NBEA: variants seen among roughly 807,000 people sequenced by gnomAD.
NBEA encodes the protein neurobeachin, also known as lysosomal-trafficking regulator 2.
Under a neutral mutation model 343.4 loss-of-function variants are expected in NBEA, and 44 were observed. That is an observed-to-expected ratio of 0.13 (90% CI 0.10 to 0.16). The LOEUF (loss-of-function observed/expected upper bound fraction) is 0.16. Ranked by LOEUF, NBEA falls within the 10% of genes least tolerant of loss-of-function variation. The probability of loss-of-function intolerance (pLI) is 1.00; values close to 1 mark genes in which losing one functional copy is unlikely to be tolerated. For synonymous variants in NBEA, 1,175 were observed against 1,238.7 expected (o/e 0.95, Z 1.08); for missense variants, 2,555 against 3,631.3 (o/e 0.70, Z 7.62).
At chr13:35,018,685 A>G (rs2061734729) in intron 1 of NBEA, among the ~76,000 whole-genome samples, 1 of 152,046 alleles carries the variant, frequency 6.6e-6, no homozygotes, top group Non-Finnish European at 1.5e-5. Flanking sequence ...GTTTGTGAAC[A>G]GAGATAGTTT....
At chr13:35,257,425 C>T (rs1046026739) in intron 34 of NBEA, among the ~76,000 whole-genome samples, 1 of 152,034 alleles carries the variant, frequency 6.6e-6, no homozygotes, top group African/African-American at 2.4e-5. Context: ...AAAATAGTCA[C>T]CTAACTTTGA....
Position 35,665,899 on chromosome 13 carries a change from A to G in NBEA, c.8464+713A>G, listed in dbSNP as rs778617876. Among the ~76,000 whole-genome samples the G allele has an allele frequency of 2.6e-5, 4 of 152,320 alleles. No homozygotes were observed. In the South Asian group the frequency reaches 8.3e-4, roughly 32 times the overall value. ...CACCTCAGCCTCCCAAATTGCTGGG[A>G]TTACAGGCGTGAGCCACCACACCCA... On this transcript the variant is annotated intron_variant, in intron 56 of 58. Coordinates refer to ENST00000379939, the MANE Select transcript of NBEA (RefSeq NM_001385012.1).
chr13:35,228,434 A>G (rs1473899716), intron 33 of NBEA, among the ~76,000 whole-genome samples: 2 of 150,960 alleles, frequency 1.3e-5, no homozygotes, highest in Non-Finnish European at 2.9e-5. Flanking sequence ...TTTTGTGGAT[A>G]TATTGCGTAG....
At chr13:35,611,401 G>A (rs529942139) in intron 48 of NBEA, among the ~76,000 whole-genome samples, 1 of 152,248 alleles carries the variant, frequency 6.6e-6, no homozygotes, top group Admixed American at 6.5e-5. Flanking sequence ...TCACTTTCTT[G>A]CTGTCACTTG....
chr13:35,280,691 T>C (rs1253651104), intron 34 of NBEA, among the ~76,000 whole-genome samples: 1 of 152,132 alleles, frequency 6.6e-6, no homozygotes, highest in Non-Finnish European at 1.5e-5. Flanking sequence ...TGTCCTGGCC[T>C]ATGGTAAGTA....
intron 41 of NBEA, among the ~76,000 whole-genome samples, chr13:35,489,335 T>C (rs1436247129): frequency 6.6e-6 from 1 of 151,890 alleles, no homozygotes; most frequent in Non-Finnish European, 1.5e-5. Context: ...GGTCGTTTTA[T>C]GAACTCTTTC....
intron 34 of NBEA, among the ~76,000 whole-genome samples, chr13:35,244,092 C>G (rs2030792863): frequency 6.6e-6 from 1 of 151,680 alleles, no homozygotes; most frequent in South Asian, 2.1e-4. Context: ...AGTATCTTTT[C>G]TAATCACAGT....
At position 35,551,140 on chromosome 13, in the gene NBEA, A is replaced by G. The variant is rs775476913; in HGVS notation, c.6806+108A>G. 95 of 598,374 alleles carry G rather than the reference A, an allele frequency of 1.6e-4. 1 individual carries two copies. The highest frequency in any genetic ancestry group is 8.0e-5 in the Non-Finnish European group (30 of 372,734). 37.1% of individuals were successfully genotyped at this position (598,374 alleles called of 1,614,324 possible). On this transcript the variant is annotated intron_variant, in intron 43 of 58. Coordinates refer to ENST00000379939, the MANE Select transcript of NBEA (RefSeq NM_001385012.1). ...ACATTATAATTATTTCAGAGACCAA[A>G]GAATTTTCTTTCTCTGAAGGTTATT...
intron 10 of NBEA, among the ~76,000 whole-genome samples, chr13:35,089,884 G>T (rs1475010383): frequency 1.5e-5 from 2 of 135,086 alleles, no homozygotes; most frequent in African/African-American, 5.5e-5. Flanking sequence ...CACAGGAAGG[G>T]GAATATCACA....
chr13:35,370,341 T>C (rs763194110), intron 38 of NBEA, among the ~76,000 whole-genome samples: 1 of 152,054 alleles, frequency 6.6e-6, no homozygotes, highest in African/African-American at 2.4e-5. Context: ...TTATCTGATA[T>C]AAGTATGGCT....
intron 18 of NBEA, among the ~76,000 whole-genome samples, chr13:35,150,810 A>AGAGTAGAGTAGAGTG (rs2068731640): frequency 6.6e-6 from 1 of 151,920 alleles, no homozygotes; most frequent in Admixed American, 6.6e-5. Flanking sequence ...AGAGTAGAGT[A>AGAGTAGAGTAGAGTG]GAGTAGAGTA....
At chr13:34,970,756 C>T (rs2152498807) in intron 1 of NBEA, among the ~76,000 whole-genome samples, 1 of 152,194 alleles carries the variant, frequency 6.6e-6, no homozygotes, top group African/African-American at 2.4e-5. Flanking sequence ...GTGCCAACAC[C>T]ATGCTGTTTT....
chr13:35,018,516 T>A (rs926178402), intron 1 of NBEA, among the ~76,000 whole-genome samples: 1 of 152,160 alleles, frequency 6.6e-6, no homozygotes, highest in African/African-American at 2.4e-5. Flanking sequence ...GATATTCTTT[T>A]TAGTTTTAAT....
chr13:35,583,318 A>G (rs28605022), intron 45 of NBEA, among the ~76,000 whole-genome samples: 1 of 152,214 alleles, frequency 6.6e-6, no homozygotes, highest in Admixed American at 6.5e-5. Flanking sequence ...ATGCTTTCCA[A>G]GGAATCCGAA....
intron 39 of NBEA, among the ~76,000 whole-genome samples, chr13:35,444,220 T>G (rs937439882): frequency 2.0e-5 from 3 of 151,964 alleles, no homozygotes; most frequent in African/African-American, 7.2e-5. Flanking sequence ...TACATATTAT[T>G]GCACAAGATT....
chr13:35,327,171 G>T (rs1286664592), intron 36 of NBEA, among the ~76,000 whole-genome samples: 1 of 152,078 alleles, frequency 6.6e-6, no homozygotes, highest in African/African-American at 2.4e-5. Flanking sequence ...CTTATACACT[G>T]TTGATGGAAA....
At chr13:35,442,681 T>G (rs947321038) in intron 39 of NBEA, among the ~76,000 whole-genome samples, 2 of 152,198 alleles carry the variant, frequency 1.3e-5, no homozygotes, top group African/African-American at 2.4e-5. Flanking sequence ...TTTGTTGGTC[T>G]GCTCTAAAAA....
At chr13:35,535,158 G>A (rs569293119) in intron 41 of NBEA, among the ~76,000 whole-genome samples, 3 of 152,222 alleles carry the variant, frequency 2.0e-5, no homozygotes, top group African/African-American at 7.2e-5. Flanking sequence ...GCCATTTACT[G>A]GGCTATTTAC....
intron 27 of NBEA, among the ~76,000 whole-genome samples, chr13:35,175,920 A>C (rs1467295826): frequency 6.6e-6 from 1 of 152,154 alleles, no homozygotes; most frequent in Non-Finnish European, 1.5e-5. Context: ...ATAAGGATCA[A>C]ATTAGATTAG....
Sources: gnomAD v4.1 joint callset for allele counts (sites outside exome capture counted in the v4.1 genomes callset) on GRCh38, gnomAD v4.1.1 for gene constraint, MANE v1.5 for transcripts, NCBI Gene and HGNC (gene_info 2026-07-23, HGNC 2026-07-21) for gene names.